Variants in ASIC2 observed in about 807,000 individuals in gnomAD.
ASIC2 encodes the protein acid-sensing ion channel 2.
ASIC2 carries 25 observed loss-of-function variants against 57.3 expected under a neutral mutation model. That is an observed-to-expected ratio of 0.44 (90% CI 0.32 to 0.61). The LOEUF (loss-of-function observed/expected upper bound fraction) is 0.61. ASIC2 is among the 20% of genes least tolerant of loss of function. ASIC2 has a pLI of 0.06. For missense variants in ASIC2, 641 were observed against 738.1 expected (o/e 0.87, Z 1.52); for synonymous variants, 319 against 307.5 (o/e 1.04, Z -0.39).
At chr17:33,611,185 C>G (rs908311796) in intron 1 of ASIC2, among the ~76,000 whole-genome samples, 1 of 152,178 alleles carries the variant, frequency 6.6e-6, no homozygotes, top group Non-Finnish European at 1.5e-5. Context: ...TCCCTTTCCC[C>G]CTCTCCTGTC....
intron 1 of ASIC2, among the ~76,000 whole-genome samples, chr17:33,983,176 T>A (rs971640304): frequency 2.0e-5 from 3 of 152,192 alleles, no homozygotes; most frequent in Non-Finnish European, 4.4e-5. Context: ...ATGATGGTAA[T>A]TGGTCTCTAG....
intron 1 of ASIC2, among the ~76,000 whole-genome samples, chr17:34,075,665 C>T (rs1909609249): frequency 6.6e-6 from 1 of 152,036 alleles, no homozygotes; most frequent in African/African-American, 2.4e-5. Flanking sequence ...CATGTGATAT[C>T]CCCTGTTACT....
chr17:33,502,989 G>A (rs1038253869), intron 1 of ASIC2, among the ~76,000 whole-genome samples: 5 of 152,160 alleles, frequency 3.3e-5, no homozygotes, highest in African/African-American at 4.8e-5. Flanking sequence ...AATACAGCTT[G>A]CCTGGGAAGC....
At position 33,210,915 on chromosome 17, in the gene ASIC2, T is replaced by C. The variant is rs142165908; in HGVS notation, c.708+80493A>G. Among the ~76,000 whole-genome samples, 61 of 152,348 alleles carry C rather than the reference T, an allele frequency of 4.0e-4. No individual in the cohort carries two copies. The Middle Eastern group carries it at 0.014, about 34-fold the overall frequency. On this transcript the variant is annotated intron_variant, in intron 1 of 9. Transcript: ENST00000225823. ...GAGGGATTTGACTCAGGCTAGACTC[T>C]TCCCAGAGCCAGTATGTGGCTTTCA...
At chr17:33,980,954 T>TTTTTTG (rs1390630313) in intron 1 of ASIC2, 5 of 149,186 alleles carry the variant, frequency 3.4e-5, no homozygotes, top group Non-Finnish European at 5.9e-5. Context: ...TTTTTTTTTT[T>TTTTTTG]TAGACAGAAT....
At position 33,679,109 on chromosome 17, in the gene ASIC2, T is replaced by C. The variant is rs146583882; in HGVS notation, c.555+476869A>G. On this transcript the variant is annotated intron_variant, in intron 1 of 9. Transcript: ENST00000359872. ...CCCCTGTTGGATAGTAGCTTTGCAA[T>C]CAGTCTTTGCAAAAAATATCCAGAA... Among the ~76,000 whole-genome samples the C allele has an allele frequency of 7.9e-5, 12 of 152,294 alleles. No homozygotes were observed. The East Asian group carries it at 2.3e-3, about 29-fold the overall frequency.
intron 1 of ASIC2, among the ~76,000 whole-genome samples, chr17:33,465,500 A>G (rs1188444917): frequency 6.7e-6 from 1 of 150,254 alleles, no homozygotes; most frequent in Admixed American, 6.7e-5. Flanking sequence ...CAGCCTCCCT[A>G]GTAGCTGGGA....
At chr17:33,491,032 C>G (rs1190895456) in intron 1 of ASIC2, among the ~76,000 whole-genome samples, 1 of 152,164 alleles carries the variant, frequency 6.6e-6, no homozygotes, top group Non-Finnish European at 1.5e-5. Context: ...TCCCCACTTG[C>G]CTTGACCTGC....
intron 1 of ASIC2, among the ~76,000 whole-genome samples, chr17:33,787,038 C>T (rs1911620766): frequency 6.6e-6 from 1 of 152,234 alleles, no homozygotes; most frequent in Non-Finnish European, 1.5e-5. Flanking sequence ...AGATACTCTT[C>T]TCATTGCATA....
chr17:33,834,306 T>C (rs939864054), intron 1 of ASIC2: 2 of 152,102 alleles, frequency 1.3e-5, no homozygotes, highest in African/African-American at 4.8e-5. Flanking sequence ...CCATGAAGAG[T>C]GCACTGTACC....
chr17:34,075,541 G>A (rs954645345), intron 1 of ASIC2, among the ~76,000 whole-genome samples: 4 of 152,134 alleles, frequency 2.6e-5, no homozygotes, highest in Non-Finnish European at 5.9e-5. Flanking sequence ...TTGGAGGAAG[G>A]GAAGGGAGGA....
chr17:33,226,216 T>G (rs1332647987), intron 1 of ASIC2, among the ~76,000 whole-genome samples: 1 of 152,204 alleles, frequency 6.6e-6, no homozygotes, highest in Non-Finnish European at 1.5e-5. Context: ...GGTTTGTTAT[T>G]GGTTTTCAGC....
chr17:33,300,738 G>A (rs952939969), intron 1 of ASIC2, among the ~76,000 whole-genome samples: 1 of 152,202 alleles, frequency 6.6e-6, no homozygotes, highest in African/African-American at 2.4e-5. Context: ...TCCAGTTTAG[G>A]ATTCAGAAGT....
chr17:33,142,927 G>A (rs1362125066), intron 1 of ASIC2, among the ~76,000 whole-genome samples: 1 of 152,302 alleles, frequency 6.6e-6, no homozygotes, highest in South Asian at 2.1e-4. Flanking sequence ...GGTCCTGAAG[G>A]CTAGGGCTGA....
At chr17:33,018,756 T>C (rs751667213) in intron 7 of ASIC2, among the ~76,000 whole-genome samples, 1 of 151,928 alleles carries the variant, frequency 6.6e-6, no homozygotes, top group Non-Finnish European at 1.5e-5. Context: ...TTGGATGAGA[T>C]GAACTATGAA....
chr17:33,173,145 A>G lies in ASIC2; in HGVS notation c.709-61078T>C, dbSNP rs955736782. On this transcript the variant is annotated intron_variant, in intron 1 of 9. Transcript: ENST00000225823. ...TTTCCTTCCTTCTTTCTACAACCCC[A>G]TACTGCTCTATAGAAGATGAGGCAG... 3.3e-5 allele frequency among the ~76,000 whole-genome samples: 5 copies of G among 152,186 alleles called. No homozygotes were observed. In the South Asian group the frequency reaches 8.3e-4, roughly 25 times the overall value.
chr17:33,023,496 A>T (rs1018975115), intron 6 of ASIC2, among the ~76,000 whole-genome samples: 1 of 151,926 alleles, frequency 6.6e-6, no homozygotes, highest in African/African-American at 2.4e-5. Context: ...TCTCAAAAAA[A>T]AAAAAAAGAA....
At chr17:33,743,549 T>C (rs1910170969) in intron 1 of ASIC2, among the ~76,000 whole-genome samples, 2 of 152,276 alleles carry the variant, frequency 1.3e-5, no homozygotes, top group African/African-American at 4.8e-5. Flanking sequence ...TGGTAGAGTT[T>C]GGGTAAAACA....
intron 1 of ASIC2, among the ~76,000 whole-genome samples, chr17:33,156,991 T>C (rs1004997811): frequency 4.6e-5 from 7 of 152,086 alleles, no homozygotes; most frequent in African/African-American, 1.7e-4. Flanking sequence ...TTGGGAAATA[T>C]AGCCTGGCTA....
Sources: allele counts gnomAD v4.1 joint callset (sites outside exome capture counted in the v4.1 genomes callset), GRCh38; gene constraint gnomAD v4.1.1; transcripts MANE v1.5; gene names NCBI Gene and HGNC (gene_info 2026-07-23, HGNC 2026-07-21).